Variants in SELENOF observed in about 807,000 individuals in gnomAD.
SELENOF encodes selenoprotein F, also known as 15 kDa selenoprotein.
A neutral mutation model predicts 20.5 loss-of-function variants in SELENOF; 16 were observed. The ratio of observed to expected loss-of-function variants is 0.78; its 90% CI spans 0.53 to 1.19. The LOEUF (loss-of-function observed/expected upper bound fraction) is 1.19, where lower values mean the gene tolerates loss of function less well. SELENOF is among the 50% of genes most tolerant of loss of function. The pLI is 0.00. For missense variants in SELENOF, 215 were observed against 194.2 expected, an observed-to-expected ratio of 1.11 and a Z score of -0.64; for synonymous variants, 78 against 74.5, an observed-to-expected ratio of 1.05 and a Z score of -0.24.
chr1:86,903,408 C>G lies in SELENOF; in HGVS notation c.125G>C (p.Arg42Thr), dbSNP rs1557470868. Residue 42 changes from arginine (R) to threonine (T), a missense_variant, in exon 2 of 5, where the codon AGA becomes ACA. Physicochemically the swap from Arg to Thr is moderately conservative, Grantham distance 71. Transcript: ENST00000331835. ...CAAGTTGCTAGAAAAGCCTAACTCT[C>G]TGCATGCCTCCGATGAAAACTCTGC... ...FGAEFSSEACRELGFSSNLLC... is the reference protein window; with the variant it reads ...FGAEFSSEACTELGFSSNLLC... The G allele has an allele frequency of 6.2e-7, 1 of 1,610,620 alleles. No individual in the cohort carries two copies. The highest frequency in any genetic ancestry group is 8.5e-7 in the Non-Finnish European group (1 of 1,178,472).
At chr1:86,875,352 A>G (rs1658899295) in intron 3 of SELENOF, among the ~76,000 whole-genome samples, 1 of 152,202 alleles carries the variant, frequency 6.6e-6, no homozygotes, top group South Asian at 2.1e-4. Flanking sequence ...AGAGAAGGGC[A>G]ACTTAAGAGA....
At chr1:86,906,007 T>C (rs1659818068) in intron 1 of SELENOF, among the ~76,000 whole-genome samples, 1 of 152,238 alleles carries the variant, frequency 6.6e-6, no homozygotes, top group Admixed American at 6.5e-5. Context: ...ACCAGGTAGA[T>C]TAATATCCAG....
chr1:86,886,216 T>C (rs1365997113), intron 2 of SELENOF, among the ~76,000 whole-genome samples: 1 of 152,146 alleles, frequency 6.6e-6, no homozygotes, highest in Admixed American at 6.5e-5. Flanking sequence ...AATTAGGATA[T>C]CTAGGGGTGA....
intron 2 of SELENOF, among the ~76,000 whole-genome samples, chr1:86,890,671 T>A (rs1448478490): frequency 6.6e-6 from 1 of 151,174 alleles, no homozygotes. Context: ...TTTTTTTTTT[T>A]AATTTTTTGT....
chr1:86,909,664 C>A (rs533446244), intron 1 of SELENOF, among the ~76,000 whole-genome samples: 3 of 152,144 alleles, frequency 2.0e-5, no homozygotes, highest in Non-Finnish European at 4.4e-5. Context: ...ACACACAGAG[C>A]TATGATTTGG....
intron 1 of SELENOF, among the ~76,000 whole-genome samples, chr1:86,907,564 C>T (rs1659862361): frequency 6.6e-6 from 1 of 152,304 alleles, no homozygotes; most frequent in African/African-American, 2.4e-5. Flanking sequence ...TAAATTTGCA[C>T]ATTAAGATCA....
At chr1:86,914,445 C>G (rs1351518939), upstream of SELENOF, 5 of 385,372 alleles carry the variant, frequency 1.3e-5, no homozygotes, top group Admixed American at 1.5e-4. Flanking sequence ...AATTGAATGT[C>G]GTCTTGATTG....
intron 2 of SELENOF, among the ~76,000 whole-genome samples, chr1:86,897,060 C>A (rs987193057): frequency 2.6e-5 from 4 of 152,042 alleles, no homozygotes; most frequent in Non-Finnish European, 5.9e-5. Flanking sequence ...AATTCTAGCA[C>A]TTTGGGAGGC....
intron 3 of SELENOF, among the ~76,000 whole-genome samples, chr1:86,869,792 G>C (rs1046434572): frequency 9.9e-5 from 15 of 151,096 alleles, no homozygotes; most frequent in African/African-American, 3.6e-4. Context: ...ACTCGGCTGA[G>C]CGCGGGGTCA....
intron 2 of SELENOF, among the ~76,000 whole-genome samples, chr1:86,881,182 C>T (rs999281632): frequency 2.7e-5 from 4 of 148,682 alleles, no homozygotes; most frequent in Admixed American, 6.7e-5. Flanking sequence ...TTAAAACAAT[C>T]GTTATAGAAA....
At chr1:86,913,244 A>AT (rs1390052483) in intron 1 of SELENOF, among the ~76,000 whole-genome samples, 1 of 152,200 alleles carries the variant, frequency 6.6e-6, no homozygotes, top group Non-Finnish European at 1.5e-5. Context: ...TTAAGCTAGG[A>AT]TAAAAAAACG....
At chr1:86,887,960 G>A (rs996514834) in intron 2 of SELENOF, among the ~76,000 whole-genome samples, 7 of 152,086 alleles carry the variant, frequency 4.6e-5, no homozygotes, top group African/African-American at 1.7e-4. Flanking sequence ...CCAAAGAATT[G>A]GTAAAAATGA....
chr1:86,885,461 A>G (rs977565672), intron 2 of SELENOF, among the ~76,000 whole-genome samples: 7 of 152,078 alleles, frequency 4.6e-5, no homozygotes, highest in African/African-American at 1.7e-4. Context: ...AATTACACAC[A>G]TTTTCTGAAT....
At chr1:86,903,475 C>T (rs941188943) in intron 1 of SELENOF, 27 bp from the exon 2 acceptor site, 30 of 1,554,540 alleles carry the variant, frequency 1.9e-5, no homozygotes, top group Non-Finnish European at 2.6e-5. Flanking sequence ...GGAAATAAAA[C>T]ACAATTCCAT....
chr1:86,867,328 T>C (rs897519038), intron 4 of SELENOF, among the ~76,000 whole-genome samples: 1 of 151,914 alleles, frequency 6.6e-6, no homozygotes, highest in African/African-American at 2.4e-5. Flanking sequence ...CCATCTCTAC[T>C]AAAAATACAA....
chr1:86,887,769 A>G (rs1291594529), intron 2 of SELENOF, among the ~76,000 whole-genome samples: 1 of 152,172 alleles, frequency 6.6e-6, no homozygotes, highest in Non-Finnish European at 1.5e-5. Context: ...CATTAGGAAA[A>G]AAAATACATC....
chr1:86,913,563 A>T (rs1396777288), intron 1 of SELENOF, among the ~76,000 whole-genome samples: 1 of 152,222 alleles, frequency 6.6e-6, no homozygotes, highest in Non-Finnish European at 1.5e-5. Flanking sequence ...GGAAGTTAAG[A>T]GACTAACAGA....
intron 2 of SELENOF, among the ~76,000 whole-genome samples, chr1:86,897,769 G>A (rs1659563721): frequency 1.3e-5 from 2 of 152,216 alleles, no homozygotes; most frequent in Admixed American, 1.3e-4. Flanking sequence ...AAGCCAGTCA[G>A]TAGTGAGACA....
intron 3 of SELENOF, among the ~76,000 whole-genome samples, chr1:86,878,328 T>C (rs1658975666): frequency 6.6e-6 from 1 of 152,230 alleles, no homozygotes; most frequent in South Asian, 2.1e-4. Context: ...TATTATAAGC[T>C]AGAGTATAAT....
Sources: allele counts gnomAD v4.1 joint callset (sites outside exome capture counted in the v4.1 genomes callset), GRCh38; gene constraint gnomAD v4.1.1; transcripts MANE v1.5; gene names NCBI Gene and HGNC (gene_info 2026-07-23, HGNC 2026-07-21).